TYSND1: variants seen among roughly 807,000 people sequenced by gnomAD.
The protein encoded by TYSND1 is peroxisomal leader peptide-processing protease.
In TYSND1, 30 loss-of-function variants were observed where a neutral mutation model predicts 37.2. The ratio of observed to expected loss-of-function variants is 0.81; its 90% CI spans 0.60 to 1.09. TYSND1 has a LOEUF of 1.09. Ranked by LOEUF, TYSND1 falls within the 50% of genes least tolerant of loss-of-function variation. The probability of loss-of-function intolerance (pLI) is 0.00; values close to 1 mark genes in which losing one functional copy is unlikely to be tolerated. For synonymous variants in TYSND1, 364 were observed against 383.8 expected (o/e 0.95, Z 0.60); for missense variants, 806 against 817.4 (o/e 0.99, Z 0.17).
At position 70,139,958 on chromosome 10, in the gene TYSND1, C is replaced by T. The variant is rs781332731; in HGVS notation, c.1667G>A (p.Arg556Gln). 12 of 1,613,582 alleles carry T rather than the reference C, an allele frequency of 7.4e-6. No homozygotes were observed. The highest frequency in any genetic ancestry group is 3.4e-4 in the Middle Eastern group (2 of 5,874). ...EPVRVVWRLQ[R>Q]PLAEAPRSKL Reference sequence around the variant, plus strand: ...GCTCCGCGGGGCCTCTGCCAGGGGCCGCTGCAACCGCCACACCACCCTGAC... The same window carrying T: ...GCTCCGCGGGGCCTCTGCCAGGGGCTGCTGCAACCGCCACACCACCCTGAC... Residue 556 changes from arginine to glutamine, a missense_variant, in exon 4 of 4, where the codon CGG becomes CAG. Physicochemically the swap from Arg to Gln is conservative, Grantham distance 43. Transcript: ENST00000287078.
At chr10:70,142,061 A>G (rs991786631) in intron 3 of TYSND1, among the ~76,000 whole-genome samples, 3 of 152,232 alleles carry the variant, frequency 2.0e-5, no homozygotes, top group Admixed American at 6.5e-5. Flanking sequence ...AGAAGAAACA[A>G]GGAGAGTTAG....
rs1434591834 is a variant in TYSND1 at position 70,142,693 on chromosome 10, G to C, written c.1458C>G (p.Phe486Leu). ...CAAGGAGGTTTCCTGAGTGGTTGGA[G>C]AAGAGGGGTCCCCCACTGGAGCCGC... Reference protein sequence around the residue: ...VHSGSSGGPLFSNHSGNLLGI... With the variant: ...VHSGSSGGPLLSNHSGNLLGI... Residue 486 changes from phenylalanine (F) to leucine (L), a missense_variant, in exon 3 of 4, where the codon TTC becomes TTG. Coordinates refer to ENST00000287078, the MANE Select transcript of TYSND1 (RefSeq NM_173555.4). The C allele has an allele frequency of 3.7e-6, 6 of 1,600,950 alleles. No individual in the cohort carries two copies. Among genetic ancestry groups the C allele is most frequent in the Non-Finnish European group, 5.1e-6 (6 of 1,173,914 alleles).
At position 70,142,611 on chromosome 10, in the gene TYSND1, G is replaced by A. The variant is rs984431508; in HGVS notation, c.1483+57C>T. On this transcript the variant is annotated intron_variant, in intron 3 of 3. Coordinates refer to ENST00000287078, the MANE Select transcript of TYSND1 (RefSeq NM_173555.4). ...TGGGGCTGGCCACAAGCACTCATGG[G>A]GTGGGACTGAGGTTCTGGCAAGTGG... 7.1e-5 allele frequency: 105 copies of A among 1,468,550 alleles called. No homozygotes were observed. In the Middle Eastern group the frequency reaches 1.9e-3, roughly 27 times the overall value. The allele number at this position is 1,468,550 out of a possible 1,614,324, so 91.0% of individuals were successfully genotyped here. A position where few individuals can be genotyped will look rare whatever the true frequency, so the allele number is the denominator to read the frequency against.
At chr10:70,140,520 AATGAATGAAT>A (rs2072750866) in intron 3 of TYSND1, among the ~76,000 whole-genome samples, 1 of 61,848 alleles carries the variant, frequency 1.6e-5, no homozygotes, top group Admixed American at 1.3e-4. Context: ...TGAATGAATG[AATGAATGAAT>A]GAATGAATGA....
intron 2 of TYSND1, 121 bp from the exon 3 acceptor site, chr10:70,142,974 G>A: frequency 8.6e-7 from 1 of 1,162,524 alleles, no homozygotes; most frequent in South Asian, 1.5e-5. Context: ...TCAAGTTTCT[G>A]CTCAGATACT....
Position 70,146,521 on chromosome 10 carries a change from G to A in TYSND1, c.66C>T (p.Ser22=). Residue 22 remains serine, a synonymous_variant, in exon 1 of 4, where the codon TCC becomes TCT. Coordinates refer to ENST00000287078, the MANE Select transcript of TYSND1 (RefSeq NM_173555.4). The part of the protein sequence containing the change: ...AEQAGCMVSA[S]RAGQPEAGPW... ...GGCCCGCCTCGGGCTGTCCGGCCCG[G>A]GAGGCGCTCACCATGCAGCCCGCCT... 6.3e-7 allele frequency: 1 copy of A among 1,588,038 alleles called. No homozygotes were observed. The highest frequency in any genetic ancestry group is 8.5e-7 in the Non-Finnish European group (1 of 1,174,252).
Position 70,145,772 on chromosome 10 carries a change from G to A in TYSND1, c.815C>T (p.Ala272Val). ...EGGGVFTARP[A>V]GALVALVVAP... Reference sequence around the variant, plus strand: ...CACCACCAGCGCCACCAGCGCCCCCGCGGGCCGCGCGGTGAACACGCCGCC... The same window carrying A: ...CACCACCAGCGCCACCAGCGCCCCCACGGGCCGCGCGGTGAACACGCCGCC... The change falls in exon 1 of 4, where the codon GCG becomes GTG. Residue 272 changes from alanine (A) to valine (V), a missense_variant. By Grantham distance (64) the Ala-to-Val change is moderately conservative. Transcript: ENST00000287078. 2.1e-6 allele frequency: 3 copies of A among 1,452,620 alleles called. No individual in the cohort carries two copies. Among genetic ancestry groups the A allele is most frequent in the Non-Finnish European group, 1.8e-6 (2 of 1,111,916 alleles). The allele number at this position is 1,452,620 out of a possible 1,614,324, so 90.0% of individuals were successfully genotyped here.
rs766173163 is a variant in TYSND1 at position 70,143,979 on chromosome 10, G to C, written c.1167-7C>G. The C allele has an allele frequency of 6.2e-7, 1 of 1,614,094 alleles. No homozygotes were observed. The highest frequency in any genetic ancestry group is 2.2e-5 in the East Asian group (1 of 44,886). ...GCCCCAGATGGCCACACTCCTGGGA[G>C]CAAGGGAAACAAATGACAGGCTAGC... is the stretch of plus-strand genomic sequence containing the variant. On this transcript the variant is annotated splice_polypyrimidine_tract_variant and splice_region_variant and intron_variant, in intron 1 of 3. Transcript: ENST00000287078.
chr10:70,140,526 TGAA>T (rs2072751117), intron 3 of TYSND1, among the ~76,000 whole-genome samples: 1 of 149,168 alleles, frequency 6.7e-6, no homozygotes, highest in Admixed American at 6.6e-5. Context: ...AATGAATGAA[TGAA>T]TGAATGAATG....
At position 70,140,108 on chromosome 10, in the gene TYSND1, G is replaced by A. The variant is rs745951395; in HGVS notation, c.1517C>T (p.Thr506Met). 1.6e-5 allele frequency: 26 copies of A among 1,612,816 alleles called. No homozygotes were observed. The highest frequency in any genetic ancestry group is 6.6e-5 in the South Asian group (6 of 91,046). Residue 506 changes from threonine (T) to methionine (M), a missense_variant, in exon 4 of 4, where the codon ACG becomes ATG. This residue lies in a region of TYSND1 where 708 missense variants were observed against 705.4 expected (regional missense o/e 1.00). Transcript: ENST00000287078. The part of the protein sequence containing the change: ...IITSNTRDNN[T>M]GATYPHLNFS... ...GTTCAGGTGGGGGTAGGTGGCCCCCGTATTATTGTCCCGGGTGTTGCTGGT... is the reference window on the plus strand; with the variant it reads ...GTTCAGGTGGGGGTAGGTGGCCCCCATATTATTGTCCCGGGTGTTGCTGGT...
At chr10:70,140,230 C>T in intron 3 of TYSND1, 89 bp from the exon 4 acceptor site, 11 of 1,148,114 alleles carry the variant, frequency 9.6e-6, no homozygotes, top group Non-Finnish European at 1.4e-5. Context: ...CCCTGGAGCC[C>T]CCAGGGCCTG....
intron 1 of TYSND1, chr10:70,144,784 A>G (rs1282704035): frequency 2.0e-6 from 2 of 985,506 alleles, no homozygotes; most frequent in Non-Finnish European, 2.4e-6. Flanking sequence ...CACCTATGGC[A>G]AAACTGGGCA....
In TYSND1 at chr10:70,145,811, G is replaced by C; in HGVS notation, c.776C>G (p.Pro259Arg). The C allele has an allele frequency of 6.6e-7, 1 of 1,524,208 alleles. No homozygotes were observed. Among genetic ancestry groups the C allele is most frequent in the Non-Finnish European group, 8.8e-7 (1 of 1,137,416 alleles). 94.4% of individuals were successfully genotyped at this position (1,524,208 alleles called of 1,614,324 possible). A position where few individuals can be genotyped will look rare whatever the true frequency, so the allele number is the denominator to read the frequency against. ...GAACACGCCGCCGCCCTCGGTGCCGGGCAGGCAGCGTGCGTCGGTAAGCAG... is the reference window on the plus strand; with the variant it reads ...GAACACGCCGCCGCCCTCGGTGCCGCGCAGGCAGCGTGCGTCGGTAAGCAG... ...PLLLTDARCL[P>R]GTEGGGVFTA... is the part of the protein sequence containing the mutation. Residue 259 changes from proline (P) to arginine (R), a missense_variant, in exon 1 of 4, where the codon CCC becomes CGC. Transcript: ENST00000287078.
intron 3 of TYSND1, among the ~76,000 whole-genome samples, chr10:70,142,169 T>A (rs2072788612): frequency 6.6e-6 from 1 of 152,186 alleles, no homozygotes. Context: ...TACCAAAATT[T>A]AAAAATTGAT....
chr10:70,140,004 G>T lies in TYSND1; in HGVS notation c.1621C>A (p.Leu541Met), dbSNP rs2072737361. The stretch of plus-strand genomic sequence containing the variant: ...CTGACTGGCTCAGCAGCGCGGTCCA[G>T]CTCACGGAGGCCACCTAGGTCTTGG... ...QTQDLGGLRE[L>M]DRAAEPVRVV... Residue 541 changes from leucine (L) to methionine (M), a missense_variant, in exon 4 of 4, where the codon CTG (leucine) becomes ATG (methionine). By Grantham distance (15) the Leu-to-Met change is conservative. Transcript: ENST00000287078. 4.3e-6 allele frequency: 7 copies of T among 1,614,246 alleles called. No homozygotes were observed. Among genetic ancestry groups the T allele is most frequent in the Middle Eastern group, 3.3e-4 (2 of 6,058 alleles).
chr10:70,145,789 CACGCCGCCGCCCT>C lies in TYSND1; in HGVS notation c.785_797del (p.Glu262GlyfsTer102). 6.8e-7 allele frequency: 1 copy of C among 1,479,774 alleles called. No individual in the cohort carries two copies. Among genetic ancestry groups the C allele is most frequent in the Admixed American group, 2.4e-5 (1 of 41,584 alleles). 91.7% of individuals were successfully genotyped at this position (1,479,774 alleles called of 1,614,324 possible). Reference sequence around the variant, plus strand: ...GCGCCCCCGCGGGCCGCGCGGTGAACACGCCGCCGCCCTCGGTGCCGGGCAGGCAGCGTGCGTC... The same window carrying C: ...GCGCCCCCGCGGGCCGCGCGGTGAACCGGTGCCGGGCAGGCAGCGTGCGTC... On this transcript the variant is annotated frameshift_variant, in exon 1 of 4. Coordinates refer to ENST00000287078, the MANE Select transcript of TYSND1 (RefSeq NM_173555.4). LOFTEE classifies it high-confidence loss of function.
intron 1 of TYSND1, chr10:70,144,847 CCTGGGCTGCAAGG>C (rs1263089829): frequency 3.1e-6 from 3 of 962,708 alleles, no homozygotes; most frequent in African/African-American, 3.5e-5. Context: ...TTTGGAAAAG[CCTGGGCTGCAAGG>C]CTGGGCTGAA....
In TYSND1 at chr10:70,146,637, G is replaced by C. The variant is rs762665059; in HGVS notation, c.-51C>G. On this transcript the variant is annotated 5_prime_UTR_variant, in exon 1 of 4. Coordinates refer to ENST00000287078, the MANE Select transcript of TYSND1 (RefSeq NM_173555.4). Reference sequence around the variant, plus strand: ...CTTCTCCGAGAAACAGCAAGCTAGCGAGCGAGGACCCCTACCCGGTCCGGC... The same window carrying C: ...CTTCTCCGAGAAACAGCAAGCTAGCCAGCGAGGACCCCTACCCGGTCCGGC... 1 of 1,447,580 alleles carries C rather than the reference G, an allele frequency of 6.9e-7. No individual in the cohort carries two copies. Among genetic ancestry groups the C allele is most frequent in the South Asian group, 1.4e-5 (1 of 70,540 alleles). The allele number at this position is 1,447,580 out of a possible 1,614,324, so 89.7% of individuals were successfully genotyped here.
In TYSND1 at chr10:70,145,550, G is replaced by A; in HGVS notation, c.1037C>T (p.Ala346Val). The change falls in exon 1 of 4, where the codon GCG (alanine) becomes GTG (valine). Residue 346 changes from alanine (A) to valine (V), a missense_variant. By Grantham distance (64) the Ala-to-Val change is moderately conservative. Coordinates refer to ENST00000287078, the MANE Select transcript of TYSND1 (RefSeq NM_173555.4). Reference sequence around the variant, plus strand: ...GGTGCCGCACTCCACCAACACTGCCGCGGCTGCCCACAGGGGCCCGGAGTC... The same window carrying A: ...GGTGCCGCACTCCACCAACACTGCCACGGCTGCCCACAGGGGCCCGGAGTC... ...LRDSGPLWAA[A>V]AVLVECGTVW... is the part of the protein sequence containing the mutation. 2.7e-6 allele frequency: 4 copies of A among 1,499,040 alleles called. No homozygotes were observed. The highest frequency in any genetic ancestry group is 2.7e-6 in the Non-Finnish European group (3 of 1,129,814). The allele number at this position is 1,499,040 out of a possible 1,614,324, so 92.9% of individuals were successfully genotyped here. A position where few individuals can be genotyped will look rare whatever the true frequency, so the allele number is the denominator to read the frequency against.
Sources: gnomAD v4.1 joint callset for allele counts (sites outside exome capture counted in the v4.1 genomes callset) on GRCh38, gnomAD v4.1.1 for gene constraint, gnomAD v4.1.1 regional missense constraint, MANE v1.5 for transcripts, NCBI Gene and HGNC (gene_info 2026-07-23, HGNC 2026-07-21) for gene names.